The following MAZ variants were observed in gnomAD, a reference collection of about 807,000 sequenced individuals.
MAZ encodes myc-associated zinc finger protein.
MAZ carries 4 observed loss-of-function variants against 32.7 expected under a neutral mutation model. That is an observed-to-expected ratio of 0.12 (90% CI 0.06 to 0.28). The LOEUF is 0.28. MAZ is among the 10% of genes least tolerant of loss of function. The pLI, the probability that MAZ is intolerant of heterozygous loss-of-function variation, is 1.00. For synonymous variants in MAZ, 510 were observed against 297.6 expected, an observed-to-expected ratio of 1.71 and a Z score of -7.35; for missense variants, 763 against 667.2, an observed-to-expected ratio of 1.14 and a Z score of -1.58.
chr16:29,808,873 G>A (rs1899725894), intron 4 of MAZ, 132 bp downstream of exon 4: 3 of 781,682 alleles, frequency 3.8e-6, no homozygotes, highest in East Asian at 5.4e-5. Flanking sequence ...AGAGGTCAAG[G>A]GAGCAGCGGG....
chr16:29,809,028 A>T (rs1405599091), intron 4 of MAZ: 18 of 547,788 alleles, frequency 3.3e-5, no homozygotes, highest in Non-Finnish European at 5.4e-5. Flanking sequence ...CAAGAAAGCC[A>T]GTTCCAGGGG....
Position 29,807,260 on chromosome 16 carries a change from G to C in MAZ, c.475G>C (p.Ala159Pro), listed in dbSNP as rs1229201224. Reference protein sequence around the residue: ...PPASAATIAAAAATAVVAPTS... With the variant: ...PPASAATIAAPAATAVVAPTS... ...CGCCTCCGCCGCCACTATCGCCGCG[G>C]CGGCGGCCACCGCCGTCGTAGCCCC... Residue 159 changes from alanine (A) to proline (P), a missense_variant, in exon 2 of 5, where the codon GCG (alanine) becomes CCG (proline). By Grantham distance (27) the Ala-to-Pro change is conservative (BLOSUM62 -1). Transcript: ENST00000322945. 1 of 1,446,176 alleles carries C rather than the reference G, an allele frequency of 6.9e-7. No individual in the cohort carries two copies. Among genetic ancestry groups the C allele is most frequent in the Non-Finnish European group, 9.1e-7 (1 of 1,096,510 alleles). The allele number at this position is 1,446,176 out of a possible 1,614,324, so 89.6% of individuals were successfully genotyped here.
chr16:29,808,387 C>G lies in MAZ; in HGVS notation c.1107+94C>G, dbSNP rs992038503. Reference sequence around the variant, plus strand: ...TCTCTCAGACCCCCTTTTTCTCTCTCTTCTTTTTGCCTTTTTGCTCCATTT... The same window carrying G: ...TCTCTCAGACCCCCTTTTTCTCTCTGTTCTTTTTGCCTTTTTGCTCCATTT... On this transcript the variant is annotated intron_variant, in intron 3 of 4. Transcript: ENST00000322945. 5 of 1,319,848 alleles carry G rather than the reference C, an allele frequency of 3.8e-6. No individual in the cohort carries two copies. In the East Asian group the frequency reaches 1.2e-4, roughly 31 times the overall value. 81.8% of individuals were successfully genotyped at this position (1,319,848 alleles called of 1,614,324 possible).
At position 29,806,841 on chromosome 16, in the gene MAZ, A is replaced by G. The variant is rs779798066; in HGVS notation, c.140A>G (p.Glu47Gly). 3 of 1,447,710 alleles carry G rather than the reference A, an allele frequency of 2.1e-6. No homozygotes were observed. Among genetic ancestry groups the G allele is most frequent in the Non-Finnish European group, 2.7e-6 (3 of 1,092,226 alleles). The allele number at this position is 1,447,710 out of a possible 1,614,324, so 89.7% of individuals were successfully genotyped here. Residue 47 changes from glutamate (E) to glycine (G), a missense_variant, in exon 1 of 5, where the codon GAG (glutamate) becomes GGG (glycine). Physicochemically the swap from Glu to Gly is moderately conservative, Grantham distance 98. Transcript: ENST00000322945. ...HAQNPLQVGA[E>G]LQSRFFASQG... ...CAGAACCCCCTGCAGGTCGGGGCTG[A>G]GCTCCAGTCCCGCTTCTTTGCCTCC...
chr16:29,810,174 C>T lies in MAZ; in HGVS notation c.1377C>T (p.Leu459=). The change falls in exon 5 of 5, where the codon CTC becomes CTT. Residue 459 remains leucine, a synonymous_variant. Transcript: ENST00000322945. ...CCCCTCCCACAGCTGTGGGCTCCCT[C>T]TCGGGGGCGGAGGGGGTGCCTGTGA... ...VAAPPTAVGS[L]SGAEGVPVSS... The T allele has an allele frequency of 1.1e-5, 18 of 1,610,048 alleles. No individual in the cohort carries two copies. Among genetic ancestry groups the T allele is most frequent in the Non-Finnish European group, 1.5e-5 (18 of 1,178,470 alleles).
chr16:29,809,691 G>A (rs1169448521), intron 4 of MAZ: 4 of 1,525,538 alleles, frequency 2.6e-6, no homozygotes, highest in Admixed American at 2.1e-5. Flanking sequence ...ATCTGGGGGG[G>A]GCCGCCCCCC....
rs976177453 is a variant in MAZ at position 29,807,423 on chromosome 16, C to T, written c.638C>T (p.Thr213Met). 6.8e-6 allele frequency: 11 copies of T among 1,612,412 alleles called. No homozygotes were observed. The highest frequency in any genetic ancestry group is 2.2e-5 in the South Asian group (2 of 91,074). ...YNLRRHEAIH[T>M]GAKAGRVPSG... ...CTCCGGAGGCACGAAGCCATCCACA[C>T]GGGAGCCAAGGCCGGCCGGGTCCCC... Residue 213 changes from threonine (T) to methionine (M), a missense_variant, in exon 2 of 5, where the codon ACG becomes ATG. Physicochemically the swap from Thr to Met is moderately conservative, Grantham distance 81. Coordinates refer to ENST00000322945, the MANE Select transcript of MAZ (RefSeq NM_002383.4).
At position 29,806,892 on chromosome 16, in the gene MAZ, A is replaced by C; in HGVS notation, c.191A>C (p.Gln64Pro). Reference sequence around the variant, plus strand: ...CAGGGCTGCGCCCAGAGTCCATTCCAGGTGAGTAGGGCCGGCCGCGGCGGC... The same window carrying C: ...CAGGGCTGCGCCCAGAGTCCATTCCCGGTGAGTAGGGCCGGCCGCGGCGGC... ...ASQGCAQSPF[Q>P]AAPAPPPTPQ... is the part of the protein sequence containing the mutation. The change falls in exon 1 of 5, where the codon CAG becomes CCG. Residue 64 changes from glutamine (Q) to proline (P), a missense_variant and splice_region_variant. Transcript: ENST00000322945. 2.2e-6 allele frequency: 3 copies of C among 1,338,788 alleles called. No individual in the cohort carries two copies. Among genetic ancestry groups the C allele is most frequent in the Non-Finnish European group, 1.9e-6 (2 of 1,031,678 alleles). The allele number at this position is 1,338,788 out of a possible 1,614,324, so 82.9% of individuals were successfully genotyped here.
intron 2 of MAZ, 77 bp from the exon 3 acceptor site, chr16:29,808,153 G>A (rs1899653519): frequency 7.6e-7 from 1 of 1,312,012 alleles, no homozygotes; most frequent in Admixed American, 1.7e-5. Context: ...AGGGATCCTC[G>A]GAAAGGCCTG....
chr16:29,807,134 G>A lies in MAZ; in HGVS notation c.349G>A (p.Ala117Thr). The A allele has an allele frequency of 9.6e-7, 1 of 1,042,784 alleles. No individual in the cohort carries two copies. Among genetic ancestry groups the A allele is most frequent in the Non-Finnish European group, 1.2e-6 (1 of 847,250 alleles). The allele number at this position is 1,042,784 out of a possible 1,614,324, so 64.6% of individuals were successfully genotyped here. Residue 117 changes from alanine to threonine, a missense_variant, in exon 2 of 5, where the codon GCC becomes ACC. Ala to Thr is a moderately conservative substitution (Grantham distance 58). Coordinates refer to ENST00000322945, the MANE Select transcript of MAZ (RefSeq NM_002383.4). ...AAVAAAPPAP[A>T]AASTVDTAAL... Reference sequence around the variant, plus strand: ...CGTCGCTGCCGCGCCCCCGGCCCCTGCCGCCGCCTCTACGGTGGACACAGC... The same window carrying A: ...CGTCGCTGCCGCGCCCCCGGCCCCTACCGCCGCCTCTACGGTGGACACAGC...
In MAZ at chr16:29,806,610, G is replaced by C. The variant is rs2142390423; in HGVS notation, c.-92G>C. ...CATGCGTTCGGCGCGGCCCAGCCCG[G>C]CCGGCCGGGGGCGGCGCCCCGAGCC... On this transcript the variant is annotated 5_prime_UTR_variant, in exon 1 of 5. Coordinates refer to ENST00000322945, the MANE Select transcript of MAZ (RefSeq NM_002383.4). 1 of 965,546 alleles carries C rather than the reference G, an allele frequency of 1.0e-6. No individual in the cohort carries two copies. The allele number at this position is 965,546 out of a possible 1,614,324, so 59.8% of individuals were successfully genotyped here. A position where few individuals can be genotyped will look rare whatever the true frequency, so the allele number is the denominator to read the frequency against.
rs1406543608 is a variant in MAZ, at chr16:29,806,817, A to T, written c.116A>T (p.Gln39Leu). 1 of 1,441,814 alleles carries T rather than the reference A, an allele frequency of 6.9e-7. No homozygotes were observed. The highest frequency in any genetic ancestry group is 9.2e-7 in the Non-Finnish European group (1 of 1,090,364). 89.3% of individuals were successfully genotyped at this position (1,441,814 alleles called of 1,614,324 possible). Reference protein sequence around the residue: ...NSFPPPQGHAQNPLQVGAELQ... With the variant: ...NSFPPPQGHALNPLQVGAELQ... The stretch of plus-strand genomic sequence containing the variant: ...TTCCCGCCACCTCAGGGTCACGCCC[A>T]GAACCCCCTGCAGGTCGGGGCTGAG... Residue 39 changes from glutamine (Q) to leucine (L), a missense_variant, in exon 1 of 5, where the codon CAG (glutamine) becomes CTG (leucine). By Grantham distance (113) the Gln-to-Leu change is moderately radical (BLOSUM62 -2). Coordinates refer to ENST00000322945, the MANE Select transcript of MAZ (RefSeq NM_002383.4).
intron 4 of MAZ, chr16:29,809,105 A>T (rs1648915616): frequency 3.9e-6 from 2 of 517,156 alleles, no homozygotes; most frequent in Non-Finnish European, 6.8e-6. Flanking sequence ...CAGGTGGAGT[A>T]CACGGGCCGG....
rs1899881025 is a variant in MAZ at position 29,810,467 on chromosome 16, A to T, written c.*236A>T. On this transcript the variant is annotated 3_prime_UTR_variant, in exon 5 of 5. Transcript: ENST00000322945. Reference sequence around the variant, plus strand: ...AAACCTGTCCCCTCGGTTGTGTTGAAGTCCCCTGGACAGTGGGCAGGGGTG... The same window carrying T: ...AAACCTGTCCCCTCGGTTGTGTTGATGTCCCCTGGACAGTGGGCAGGGGTG... 1.4e-6 allele frequency: 1 copy of T among 707,460 alleles called. No homozygotes were observed. The highest frequency in any genetic ancestry group is 1.5e-5 in the South Asian group (1 of 67,246). The allele number at this position is 707,460 out of a possible 1,614,324, so 43.8% of individuals were successfully genotyped here.
At position 29,808,650 on chromosome 16, in the gene MAZ, G is replaced by T. The variant is rs767279274; in HGVS notation, c.1188G>T (p.Val396=). Residue 396 remains valine, a synonymous_variant, in exon 4 of 5, where the codon GTG becomes GTT. Transcript: ENST00000322945. ...ACGAGGAGAAAGTGCCATGTCACGT[G>T]TGTGGCAAGATGCTGAGCTCGGCTT... ...VRHEEKVPCH[V]CGKMLSSAYI... 3.7e-6 allele frequency: 6 copies of T among 1,613,942 alleles called. No individual in the cohort carries two copies. Among genetic ancestry groups the T allele is most frequent in the Non-Finnish European group, 5.1e-6 (6 of 1,179,986 alleles).
chr16:29,808,543 C>G (rs185121901), intron 3 of MAZ, 27 bp from the exon 4 acceptor site: 5 of 1,542,052 alleles, frequency 3.2e-6, no homozygotes, highest in Non-Finnish European at 4.4e-6. Flanking sequence ...TCCTGTGACA[C>G]CCCCCACGCC....
At chr16:29,809,214 G>C in intron 4 of MAZ, 1 of 508,804 alleles carries the variant, frequency 2.0e-6, no homozygotes, top group East Asian at 3.5e-5. Flanking sequence ...TGGAGGGAAG[G>C]GGACACAGCC....
At position 29,808,562 on chromosome 16, in the gene MAZ, C is replaced by T; in HGVS notation, c.1108-8C>T. On this transcript the variant is annotated splice_region_variant and splice_polypyrimidine_tract_variant and intron_variant, in intron 3 of 4. Transcript: ENST00000322945. ...GTGACACCCCCCACGCCCCTCCCCC[C>T]TCCTCAGAAATGTGAGGCAGCTTTC... 1.3e-6 allele frequency: 2 copies of T among 1,583,412 alleles called. No individual in the cohort carries two copies. Among genetic ancestry groups the T allele is most frequent in the South Asian group, 1.1e-5 (1 of 89,912 alleles).
intron 2 of MAZ, 67 bp from the exon 3 acceptor site, chr16:29,808,163 G>A: frequency 7.2e-7 from 1 of 1,381,702 alleles, no homozygotes; most frequent in Non-Finnish European, 1.0e-6. Context: ...GGAAAGGCCT[G>A]TGGTGCGGTT....
Sources: allele counts gnomAD v4.1 joint callset, GRCh38; gene constraint gnomAD v4.1.1; transcripts MANE v1.5; gene names NCBI Gene and HGNC (gene_info 2026-07-23, HGNC 2026-07-21).